The following RBPJ variants were observed in gnomAD, a reference collection of about 807,000 sequenced individuals.
The protein encoded by RBPJ is recombining binding protein suppressor of hairless.
Under a neutral mutation model 67.8 loss-of-function variants are expected in RBPJ, and 9 were observed. That is an observed-to-expected ratio of 0.13 (90% CI 0.08 to 0.23). The LOEUF (loss-of-function observed/expected upper bound fraction) is 0.23. RBPJ is among the 10% of genes least tolerant of loss of function. The pLI, the probability that RBPJ is intolerant of heterozygous loss-of-function variation, is 1.00. For synonymous variants in RBPJ, 198 were observed against 203.3 expected (o/e 0.97, Z 0.22); for missense variants, 305 against 595.6 (o/e 0.51, Z 5.08).
chr4:26,283,180 C>T (rs192574617), intron 1 of RBPJ, among the ~76,000 whole-genome samples: 5 of 147,386 alleles, frequency 3.4e-5, no homozygotes, highest in African/African-American at 1.2e-4. Context: ...CCACCCGCCT[C>T]GGCCTCCCAA....
intron 2 of RBPJ, among the ~76,000 whole-genome samples, chr4:26,405,084 G>A (rs1733257466): frequency 6.6e-6 from 1 of 152,034 alleles, no homozygotes; most frequent in Non-Finnish European, 1.5e-5. Context: ...TTTTTCAGTT[G>A]GTAAATATAA....
chr4:26,235,125 CA>C (rs911231224), intron 1 of RBPJ, among the ~76,000 whole-genome samples: 5 of 150,234 alleles, frequency 3.3e-5, no homozygotes, highest in Admixed American at 2.7e-4. Context: ...AGTAAGTGTT[CA>C]AAAAAAAACC....
At chr4:26,292,541 C>T (rs530548386) in intron 1 of RBPJ, among the ~76,000 whole-genome samples, 1 of 150,608 alleles carries the variant, frequency 6.6e-6, no homozygotes, top group South Asian at 2.1e-4. Context: ...CTGTCTCAGC[C>T]TCCCGAGTAG....
rs1179109682 is a variant in RBPJ, at chr4:26,270,355, GAGAAAGAAAGAAAGAAAGAAAGAA to G, written c.-166-92030_-166-92007del. Among the ~76,000 whole-genome samples the G allele has an allele frequency of 6.5e-3, 338 of 52,078 alleles. 8 individuals carry two copies. Among genetic ancestry groups the G allele is most frequent in the African/African-American group, 0.015 (163 of 10,764 alleles). 34.2% of individuals were successfully genotyped at this position (52,078 alleles called of 152,430 possible). A position where few individuals can be genotyped will look rare whatever the true frequency, so the allele number is the denominator to read the frequency against. On this transcript the variant is annotated intron_variant, in intron 1 of 4. Transcript: ENST00000512351. ...GGGAGGGGAGGGAGGGAGAGAGCAAGAGAAAGAAAGAAAGAAAGAAAGAAAGAAAGAAAGAAAGAAAGAAAGAAA... is the reference window on the plus strand; with the variant it reads ...GGGAGGGGAGGGAGGGAGAGAGCAAGAGAAAGAAAGAAAGAAAGAAAGAAA...
At chr4:26,315,675 A>AT (rs1284167185), upstream of RBPJ, among the ~76,000 whole-genome samples, 2 of 151,968 alleles carry the variant, frequency 1.3e-5, no homozygotes, top group Admixed American at 6.6e-5. Flanking sequence ...CCAGGGCAGG[A>AT]TTTTTTCCCC....
At chr4:26,250,626 C>A (rs1720079907) in intron 1 of RBPJ, among the ~76,000 whole-genome samples, 1 of 152,210 alleles carries the variant, frequency 6.6e-6, no homozygotes, top group Non-Finnish European at 1.5e-5. Context: ...GCCACCGCAC[C>A]TGGCATTCCA....
intron 1 of RBPJ, among the ~76,000 whole-genome samples, chr4:26,227,058 C>A (rs1719099150): frequency 6.6e-6 from 1 of 152,150 alleles, no homozygotes; most frequent in African/African-American, 2.4e-5. Flanking sequence ...TTGTCTCTGT[C>A]TCAAGGAAGT....
intron 1 of RBPJ, among the ~76,000 whole-genome samples, chr4:26,258,596 A>G (rs1048092927): frequency 1.3e-5 from 2 of 152,234 alleles, no homozygotes; most frequent in East Asian, 3.8e-4. Flanking sequence ...GAAAAGTGCA[A>G]TTAAAAGATA....
intron 3 of RBPJ, chr4:26,409,919 G>C: frequency 2.8e-6 from 1 of 350,920 alleles, no homozygotes; most frequent in South Asian, 2.2e-5. Context: ...TGATGAAAAG[G>C]CCAGAGTAAC....
At chr4:26,294,985 CG>C (rs1368698349) in intron 1 of RBPJ, among the ~76,000 whole-genome samples, 2 of 152,154 alleles carry the variant, frequency 1.3e-5, no homozygotes, top group Non-Finnish European at 1.5e-5. Flanking sequence ...AGGGATAAAC[CG>C]TGAACCCCTG....
intron 1 of RBPJ, among the ~76,000 whole-genome samples, chr4:26,203,364 A>T (rs1718057688): frequency 6.6e-6 from 1 of 152,030 alleles, no homozygotes; most frequent in African/African-American, 2.4e-5. Flanking sequence ...CCTCATCTTT[A>T]TTCAAATGCA....
chr4:26,349,087 T>TGCGC (rs201817822), intron 1 of RBPJ, among the ~76,000 whole-genome samples: 3 of 67,652 alleles, frequency 4.4e-5, no homozygotes, highest in Admixed American at 1.8e-4. Flanking sequence ...TGTGTGTGTG[T>TGCGC]GCGCGCGCGC....
At chr4:26,215,243 GAAAGTAAGAAAGAA>G (rs1560214544) in intron 1 of RBPJ, among the ~76,000 whole-genome samples, 1 of 14,476 alleles carries the variant, frequency 6.9e-5, no homozygotes, top group Non-Finnish European at 1.1e-4. Context: ...GAGAAAGAAA[GAAAGTAAGAAAGAA>G]AGGAAGGGAG....
At chr4:26,411,577 CTT>C (rs11479029) in intron 3 of RBPJ, among the ~76,000 whole-genome samples, 3,012 of 148,370 alleles carry the variant, frequency 0.02, 75 homozygotes, top group African/African-American at 0.065. Context: ...TTAGAGTTGA[CTT>C]TTTTTTTTTT....
chr4:26,263,876 T>G (rs113141713), intron 1 of RBPJ, among the ~76,000 whole-genome samples: 23,813 of 149,586 alleles, frequency 0.16, 1,905 homozygotes, highest in South Asian at 0.19. Flanking sequence ...AGTCTTTTTT[T>G]TTTTTGTTTT....
intron 1 of RBPJ, among the ~76,000 whole-genome samples, chr4:26,231,506 G>A (rs997634563): frequency 1.3e-5 from 2 of 151,442 alleles, no homozygotes; most frequent in Non-Finnish European, 2.9e-5. Context: ...CTGCCTCCCA[G>A]GTTCAAGCGA....
intron 1 of RBPJ, among the ~76,000 whole-genome samples, chr4:26,272,439 C>T (rs1720946230): frequency 1.3e-5 from 2 of 151,958 alleles, no homozygotes; most frequent in South Asian, 4.2e-4. Flanking sequence ...GGTGTGGTGA[C>T]ACATGCCTGT....
the RBPJ span, among the ~76,000 whole-genome samples, chr4:26,152,157 C>A: frequency 6.6e-6 from 1 of 152,230 alleles, no homozygotes; most frequent in Non-Finnish European, 1.5e-5. Flanking sequence ...TTCTTCCTTT[C>A]AATACCCCAC....
the RBPJ span, among the ~76,000 whole-genome samples, chr4:26,106,697 C>A: frequency 2.6e-5 from 4 of 152,288 alleles, no homozygotes; most frequent in East Asian, 7.7e-4. Context: ...TATAAACAAC[C>A]TCCCCAGTAA....
Sources: gnomAD v4.1 joint callset for allele counts (sites outside exome capture counted in the v4.1 genomes callset) on GRCh38, gnomAD v4.1.1 for gene constraint, MANE v1.5 for transcripts, NCBI Gene and HGNC (gene_info 2026-07-23, HGNC 2026-07-21) for gene names.